Variants in GNAL observed in about 807,000 individuals in gnomAD.
The protein encoded by GNAL is guanine nucleotide-binding protein G(olf) subunit alpha.
GNAL carries 18 observed loss-of-function variants against 55.1 expected under a neutral mutation model. That is an observed-to-expected ratio of 0.33 (90% CI 0.23 to 0.48). The LOEUF is 0.48. GNAL is among the 20% of genes least tolerant of loss of function. The pLI is 0.99. For missense variants in GNAL, 412 were observed against 614.1 expected (o/e 0.67, Z 3.48); for synonymous variants, 253 against 237.0 (o/e 1.07, Z -0.62).
intron 5 of GNAL, chr18:11,853,181 T>C (rs2035921974): frequency 1.8e-5 from 3 of 167,098 alleles, no homozygotes. Context: ...TGGAAATCCT[T>C]GAAAATATAA....
chr18:11,744,102 T>G (rs2032637397), intron 1 of GNAL, among the ~76,000 whole-genome samples: 1 of 152,180 alleles, frequency 6.6e-6, no homozygotes, highest in African/African-American at 2.4e-5. Context: ...GTCCAGTGCT[T>G]TAGTGGCACT....
At chr18:11,875,023 T>C (rs533893545) in intron 10 of GNAL, among the ~76,000 whole-genome samples, 2 of 152,258 alleles carry the variant, frequency 1.3e-5, no homozygotes, top group Non-Finnish European at 1.5e-5. Context: ...AAAATAATGA[T>C]AGGACCACAT....
chr18:11,711,007 C>T lies in GNAL; in HGVS notation c.376+21068C>T, dbSNP rs183421094. ...TCTCCTGCCTCAGCCTCCCGAGTAGCTGTGTCTACAGGCGCCTGCCACCGC... is the reference window on the plus strand; with the variant it reads ...TCTCCTGCCTCAGCCTCCCGAGTAGTTGTGTCTACAGGCGCCTGCCACCGC... On this transcript the variant is annotated intron_variant, in intron 1 of 11. Transcript: ENST00000334049. Among the ~76,000 whole-genome samples the T allele has an allele frequency of 2.2e-3, 338 of 152,248 alleles. 1 individual carries two copies. Among genetic ancestry groups the T allele is most frequent in the African/African-American group, 7.9e-3 (329 of 41,548 alleles).
At chr18:11,717,685 C>G (rs28666369) in intron 1 of GNAL, among the ~76,000 whole-genome samples, 54 of 152,140 alleles carry the variant, frequency 3.5e-4, no homozygotes, top group African/African-American at 1.3e-3. Flanking sequence ...AGCAAACTAA[C>G]GTAGGAACAG....
chr18:11,839,617 T>C (rs540589812), intron 5 of GNAL, among the ~76,000 whole-genome samples: 111 of 151,414 alleles, frequency 7.3e-4, no homozygotes, highest in African/African-American at 2.6e-3. Flanking sequence ...TATCTCTTCA[T>C]AGCAGCATTA....
intron 1 of GNAL, among the ~76,000 whole-genome samples, chr18:11,711,768 A>G (rs2031844655): frequency 6.6e-6 from 1 of 152,006 alleles, no homozygotes; most frequent in Non-Finnish European, 1.5e-5. Flanking sequence ...GTTGTGTCCC[A>G]TTTCCCTCTT....
intron 1 of GNAL, among the ~76,000 whole-genome samples, chr18:11,717,301 G>A (rs1042965241): frequency 9.9e-5 from 15 of 152,176 alleles, no homozygotes; most frequent in Non-Finnish European, 1.3e-4. Flanking sequence ...ACACCTCCCC[G>A]CAAGCTGAGG....
intron 5 of GNAL, among the ~76,000 whole-genome samples, chr18:11,826,149 A>C (rs141346378): frequency 1.3e-5 from 2 of 152,024 alleles, no homozygotes; most frequent in African/African-American, 4.8e-5. Context: ...ACTAGGTTCT[A>C]CTTCCACTCA....
intron 1 of GNAL, among the ~76,000 whole-genome samples, chr18:11,740,107 CTG>C (rs1023633949): frequency 6.6e-5 from 10 of 151,502 alleles, no homozygotes; most frequent in Non-Finnish European, 1.3e-4. Context: ...ATTTATCTGT[CTG>C]TTGTTGGCAG....
At chr18:11,748,879 C>T (rs936843899) in intron 1 of GNAL, among the ~76,000 whole-genome samples, 1 of 152,136 alleles carries the variant, frequency 6.6e-6, no homozygotes, top group African/African-American at 2.4e-5. Context: ...AATCCCAGCT[C>T]TTTGGGAGGC....
intron 4 of GNAL, among the ~76,000 whole-genome samples, chr18:11,766,715 T>A (rs1442011873): frequency 6.6e-6 from 1 of 152,334 alleles, no homozygotes; most frequent in East Asian, 1.9e-4. Flanking sequence ...TGGAAACTGC[T>A]TGGGTGCTGA....
intron 1 of GNAL, among the ~76,000 whole-genome samples, chr18:11,744,008 C>T (rs137990835): frequency 3.9e-5 from 6 of 152,188 alleles, no homozygotes; most frequent in South Asian, 2.1e-4. Flanking sequence ...TTGTGGGATA[C>T]GCTTTTGTTT....
intron 5 of GNAL, among the ~76,000 whole-genome samples, chr18:11,831,023 T>C (rs2035371000): frequency 6.6e-6 from 1 of 152,116 alleles, no homozygotes; most frequent in South Asian, 2.1e-4. Flanking sequence ...GGGTTTCTCT[T>C]TGGGATAATG....
chr18:11,719,954 T>G (rs1157425403), intron 1 of GNAL, among the ~76,000 whole-genome samples: 2 of 152,250 alleles, frequency 1.3e-5, no homozygotes, highest in Non-Finnish European at 2.9e-5. Flanking sequence ...ACAGCATACC[T>G]ACTTGCTGTT....
intron 4 of GNAL, among the ~76,000 whole-genome samples, chr18:11,807,426 G>A (rs1334366639): frequency 6.6e-6 from 1 of 152,180 alleles, no homozygotes; most frequent in Non-Finnish European, 1.5e-5. Context: ...TTAGCAGTGC[G>A]AGAATCAGAA....
chr18:11,856,276 C>G (rs2036005987), intron 5 of GNAL, among the ~76,000 whole-genome samples: 1 of 151,346 alleles, frequency 6.6e-6, no homozygotes, highest in Non-Finnish European at 1.5e-5. Context: ...GTTTGTTTTT[C>G]TACATTAGAT....
chr18:11,695,202 A>G (rs1337345595), intron 1 of GNAL, among the ~76,000 whole-genome samples: 1 of 152,222 alleles, frequency 6.6e-6, no homozygotes, highest in East Asian at 1.9e-4. Context: ...ACACAGGCCC[A>G]AAGTTGCCAG....
intron 4 of GNAL, among the ~76,000 whole-genome samples, chr18:11,754,369 A>G (rs2143115907): frequency 6.6e-6 from 1 of 152,056 alleles, no homozygotes; most frequent in East Asian, 1.9e-4. Flanking sequence ...ATGAGCCGAG[A>G]TCACGCCACT....
chr18:11,831,835 C>A (rs563841237), intron 5 of GNAL, among the ~76,000 whole-genome samples: 1 of 152,282 alleles, frequency 6.6e-6, no homozygotes, highest in South Asian at 2.1e-4. Context: ...TTTGTGTGTC[C>A]CTGAGCAGGT....
Sources: gnomAD v4.1 joint callset for allele counts (sites outside exome capture counted in the v4.1 genomes callset) on GRCh38, gnomAD v4.1.1 for gene constraint, MANE v1.5 for transcripts, NCBI Gene and HGNC (gene_info 2026-07-23, HGNC 2026-07-21) for gene names.